The following MIGA2 variants were observed in gnomAD, a reference collection of about 807,000 sequenced individuals.
MIGA2 encodes the protein family with sequence similarity 73, member B.
A neutral mutation model predicts 69.9 loss-of-function variants in MIGA2; 36 were observed. The ratio of observed to expected loss-of-function variants is 0.52; its 90% CI spans 0.39 to 0.68. MIGA2 has a LOEUF of 0.68. Among genes scored for constraint, MIGA2 ranks in the 30% least tolerant of loss-of-function variants. MIGA2 has a pLI of 0.00. For synonymous variants in MIGA2, 333 were observed against 349.2 expected (o/e 0.95, Z 0.52); for missense variants, 660 against 787.7 (o/e 0.84, Z 1.94).
Position 129,042,444 on chromosome 9 carries a change from G to C in MIGA2, c.237G>C (p.Met79Ile). ...GGAAGAAGCAGGTTGGTCCCGAGATGGGAGGGGAGCAGCTGGGCACGGTGC... is the reference window on the plus strand; with the variant it reads ...GGAAGAAGCAGGTTGGTCCCGAGATCGGAGGGGAGCAGCTGGGCACGGTGC... ...RRRKKQVGPE[M>I]GGEQLGTVPL... Residue 79 changes from methionine to isoleucine, a missense_variant, in exon 3 of 16, where the codon ATG becomes ATC. Around this residue, in one of 3 missense-constraint regions of MIGA2, gnomAD observed 386 missense variants for 402.0 expected, o/e 0.96. Coordinates refer to ENST00000684074, the MANE Select transcript of MIGA2 (RefSeq NM_001329990.2). The C allele has an allele frequency of 1.9e-6, 3 of 1,611,566 alleles. No individual in the cohort carries two copies. The highest frequency in any genetic ancestry group is 2.5e-6 in the Non-Finnish European group (3 of 1,179,262).
chr9:129,038,333 C>T (rs557367486), intron 1 of MIGA2, among the ~76,000 whole-genome samples: 3 of 152,298 alleles, frequency 2.0e-5, no homozygotes, highest in South Asian at 2.1e-4. Context: ...GTGACTTTGG[C>T]GGCCATCCCA....
chr9:129,063,749 C>G (rs573075362), intron 11 of MIGA2, 118 bp downstream of exon 11: 2 of 913,098 alleles, frequency 2.2e-6, no homozygotes, highest in African/African-American at 3.3e-5. Flanking sequence ...CCTCCTACTC[C>G]GTTCTGTAGA....
At chr9:129,057,866 A>G (rs1464248709) in intron 6 of MIGA2, among the ~76,000 whole-genome samples, 3 of 152,060 alleles carry the variant, frequency 2.0e-5, no homozygotes, top group Non-Finnish European at 4.4e-5. Flanking sequence ...TCTGCCTTCC[A>G]AAGTGCTGGG....
At chr9:129,048,392 T>A (rs1307359210) in intron 3 of MIGA2, 35 bp from the exon 4 acceptor site, 1 of 1,538,644 alleles carries the variant, frequency 6.5e-7, no homozygotes, top group East Asian at 2.2e-5. Flanking sequence ...CCACAGGGGA[T>A]GCCTGTGTGA....
Position 129,046,698 on chromosome 9 carries a change from C to T in MIGA2, c.308-1729C>T, listed in dbSNP as rs76189300. Among the ~76,000 whole-genome samples, 1,230 of 152,142 alleles carry T rather than the reference C, an allele frequency of 8.1e-3. 14 individuals carry two copies. Among genetic ancestry groups the T allele is most frequent in the African/African-American group, 0.028 (1,155 of 41,534 alleles). ...CTGACATCAGGTGATCTGCCCACTT[C>T]GTTCTCCCAAAAGTTGGGATTACAG... On this transcript the variant is annotated intron_variant, in intron 3 of 15. Coordinates refer to ENST00000684074, the MANE Select transcript of MIGA2 (RefSeq NM_001329990.2).
At chr9:129,036,873 T>C in intron 1 of MIGA2, 192 bp downstream of exon 1, 2 of 906,710 alleles carry the variant, frequency 2.2e-6, no homozygotes, top group Non-Finnish European at 2.7e-6. Context: ...AACGAGAAGG[T>C]ACTTGGGTCA....
At chr9:129,056,129 G>C in intron 6 of MIGA2, among the ~76,000 whole-genome samples, 1 of 77,364 alleles carries the variant, frequency 1.3e-5, no homozygotes, top group East Asian at 4.4e-4. Context: ...CCTGTCTCAA[G>C]AAAAAAAAAA....
chr9:129,056,809 C>T (rs1278447436), intron 6 of MIGA2, among the ~76,000 whole-genome samples: 1 of 152,088 alleles, frequency 6.6e-6, no homozygotes, highest in African/African-American at 2.4e-5. Flanking sequence ...TGAGCCACTG[C>T]ACCCAGCTGA....
Position 129,049,929 on chromosome 9 carries a change from G to A in MIGA2, c.641G>A (p.Arg214Gln), listed in dbSNP as rs150219336. The change falls in exon 6 of 16, where the codon CGG becomes CAG. Residue 214 changes from arginine to glutamine, a missense_variant. By Grantham distance (43) the Arg-to-Gln change is conservative (BLOSUM62 1). This residue lies in a region of MIGA2 where 386 missense variants were observed against 402.0 expected (regional missense o/e 0.96). Coordinates refer to ENST00000684074, the MANE Select transcript of MIGA2 (RefSeq NM_001329990.2). ...GSTPMPRDGL[R>Q]NPETASEPLS... is the part of the protein sequence containing the mutation. ...ACCCCCATGCCCAGGGACGGCCTCC[G>A]GAACCCAGAGACTGCATCAGAGCCA... 2.3e-5 allele frequency: 37 copies of A among 1,613,616 alleles called. No individual in the cohort carries two copies. In the East Asian group the frequency reaches 3.1e-4, roughly 14 times the overall value.
Position 129,061,309 on chromosome 9 carries a change from C to T in MIGA2, c.973C>T (p.Leu325=), listed in dbSNP as rs761953850. ...PAAAYEEALQ[L]VKEGRVPCRT... ...CGCTGCCTATGAGGAGGCCCTGCAG[C>T]TGGTGAAGGAGGGGAGAGTGCCTTG... Residue 325 remains leucine, a synonymous_variant, in exon 9 of 16, where the codon CTG becomes TTG. Transcript: ENST00000684074. The surrounding 1 kb of genome is among the most constrained non-coding windows in gnomAD (Gnocchi z 5.0). The T allele has an allele frequency of 6.4e-7, 1 of 1,552,778 alleles. No individual in the cohort carries two copies. The highest frequency in any genetic ancestry group is 8.7e-7 in the Non-Finnish European group (1 of 1,143,396).
chr9:129,037,230 G>A (rs1844640106), intron 1 of MIGA2, among the ~76,000 whole-genome samples: 1 of 152,110 alleles, frequency 6.6e-6, no homozygotes, highest in South Asian at 2.1e-4. Flanking sequence ...ACGTTGTTGG[G>A]GTCCAGACGG....
chr9:129,055,080 CTTTTTTTTTTTTTTT>C (rs1265446993), intron 6 of MIGA2, among the ~76,000 whole-genome samples: 4 of 122,870 alleles, frequency 3.3e-5, no homozygotes, highest in African/African-American at 1.2e-4. Context: ...TTTTTCTTTT[CTTTTTTTTTTTTTTT>C]GAGATGGAGT....
intron 11 of MIGA2, among the ~76,000 whole-genome samples, chr9:129,066,441 A>G (rs1267893573): frequency 3.3e-5 from 5 of 152,126 alleles, no homozygotes; most frequent in Non-Finnish European, 7.4e-5. Flanking sequence ...TTGGGAGGCC[A>G]AGGCGGGAGG....
At chr9:129,052,012 G>A (rs1296607596) in intron 6 of MIGA2, among the ~76,000 whole-genome samples, 3 of 152,046 alleles carry the variant, frequency 2.0e-5, no homozygotes, top group Admixed American at 6.6e-5. Context: ...ATTTTTAGCA[G>A]AGACAGGGTT....
In MIGA2 at chr9:129,070,858, A is replaced by G. The variant is rs954674219; in HGVS notation, c.*405A>G. 3 of 188,038 alleles carry G rather than the reference A, an allele frequency of 1.6e-5. No individual in the cohort carries two copies. The highest frequency in any genetic ancestry group is 7.0e-5 in the African/African-American group (3 of 42,902). 11.6% of individuals were successfully genotyped at this position (188,038 alleles called of 1,614,324 possible). On this transcript the variant is annotated 3_prime_UTR_variant, in exon 16 of 16. Coordinates refer to ENST00000684074, the MANE Select transcript of MIGA2 (RefSeq NM_001329990.2). ...CCTGAGCTAGAAGCCACCTGTGGCT[A>G]TATGGTCTCAGCATCCAGCTGGCCT...
At chr9:129,057,010 G>T (rs934344743) in intron 6 of MIGA2, among the ~76,000 whole-genome samples, 1 of 151,764 alleles carries the variant, frequency 6.6e-6, no homozygotes. Flanking sequence ...TTCCAGCCTG[G>T]GCAACAGAAC....
In MIGA2 at chr9:129,071,045, T is replaced by G. The variant is rs1168839670; in HGVS notation, c.*592T>G. The G allele has an allele frequency of 6.5e-6, 1 of 152,752 alleles. No individual in the cohort carries two copies. Among genetic ancestry groups the G allele is most frequent in the East Asian group, 1.9e-4 (1 of 5,196 alleles). The allele number at this position is 152,752 out of a possible 1,614,324, so 9.5% of individuals were successfully genotyped here. ...TCTCTTCTGAGCAGGAACTGGGCCC[T>G]TGACAGTGTCCTTTGACATTCCCTC... On this transcript the variant is annotated 3_prime_UTR_variant, in exon 16 of 16. Coordinates refer to ENST00000684074, the MANE Select transcript of MIGA2 (RefSeq NM_001329990.2).
At chr9:129,064,276 G>A (rs1846220817) in intron 11 of MIGA2, among the ~76,000 whole-genome samples, 2 of 151,092 alleles carry the variant, frequency 1.3e-5, no homozygotes, top group South Asian at 2.1e-4. Context: ...GCATGATCTC[G>A]GCTCACTGCA....
At chr9:129,041,854 A>C (rs1024561320) in intron 2 of MIGA2, among the ~76,000 whole-genome samples, 1 of 152,074 alleles carries the variant, frequency 6.6e-6, no homozygotes, top group Non-Finnish European at 1.5e-5. Flanking sequence ...ATCATCTTTG[A>C]GGCATCACTG....
Sources: gnomAD v4.1 joint callset for allele counts (sites outside exome capture counted in the v4.1 genomes callset) on GRCh38, gnomAD v4.1.1 for gene constraint, gnomAD v4.1.1 regional missense constraint, Gnocchi (gnomAD v3.1) non-coding constraint, MANE v1.5 for transcripts, NCBI Gene and HGNC (gene_info 2026-07-23, HGNC 2026-07-21) for gene names.